DUX4: variants seen among roughly 807,000 people sequenced by gnomAD.
The protein encoded by DUX4 is double homeobox protein 4.
intron 1 of DUX4, among the ~76,000 whole-genome samples, chr4:190,181,571 G>GTAGAGC (rs1742583114): frequency 1.1e-4 from 1 of 9,078 alleles, no homozygotes; most frequent in African/African-American, 4.1e-4. Context: ...TGCCCCGTAG[G>GTAGAGC]CAGAGCCTAG....
downstream of DUX4, among the ~76,000 whole-genome samples, chr4:190,176,333 A>T (rs1742303516): frequency 8.9e-6 from 1 of 112,062 alleles, no homozygotes; most frequent in Non-Finnish European, 2.1e-5. Flanking sequence ...CAAGTGTTAC[A>T]TCACCTGGGT....
downstream of DUX4, among the ~76,000 whole-genome samples, chr4:190,178,883 A>AGT (rs1742459733): frequency 6.7e-6 from 1 of 149,276 alleles, no homozygotes; most frequent in Non-Finnish European, 1.5e-5. Flanking sequence ...TGATCAGTGC[A>AGT]GATCTATGTC....
chr4:190,179,617 T>A (rs2126578820), downstream of DUX4, among the ~76,000 whole-genome samples: 392 of 86,466 alleles, frequency 4.5e-3, no homozygotes, highest in East Asian at 0.16. Flanking sequence ...TTACAGCACC[T>A]GGGAGATCAG....
downstream of DUX4, among the ~76,000 whole-genome samples, chr4:190,179,806 A>ACG (rs1742514513): frequency 6.6e-6 from 1 of 151,112 alleles, no homozygotes; most frequent in Non-Finnish European, 1.5e-5. Context: ...AGCCTACACA[A>ACG]GTATTACATC....
At chr4:190,180,014 G>C (rs1579836408), downstream of DUX4, among the ~76,000 whole-genome samples, 2 of 148,372 alleles carry the variant, frequency 1.3e-5, no homozygotes, top group African/African-American at 5.1e-5. Flanking sequence ...TTAAACTAGA[G>C]TTACATCACC....
chr4:190,181,224 C>T (rs1742553158), intron 1 of DUX4, among the ~76,000 whole-genome samples: 5,493 of 107,366 alleles, frequency 0.051, no homozygotes, highest in African/African-American at 0.057. Context: ...TCACATTGCC[C>T]CCATAGGCAA....
downstream of DUX4, among the ~76,000 whole-genome samples, chr4:190,176,766 T>G (rs1283667332): frequency 6.2e-4 from 64 of 103,840 alleles, no homozygotes; most frequent in Admixed American, 9.1e-4. Flanking sequence ...AGTGCAGAGA[T>G]ATGTACCAGT....
downstream of DUX4, among the ~76,000 whole-genome samples, chr4:190,179,529 C>A (rs1579835613): frequency 1.0e-4 from 14 of 136,374 alleles, no homozygotes; most frequent in South Asian, 2.2e-4. Flanking sequence ...TAGGCAGAGC[C>A]TAGACAAGAG....
intron 1 of DUX4, among the ~76,000 whole-genome samples, chr4:190,181,109 ATAGTTACATCACCT>A (rs1742546132): frequency 6.8e-6 from 1 of 147,938 alleles, no homozygotes; most frequent in African/African-American, 2.5e-5. Flanking sequence ...AGCCTAGACA[ATAGTTACATCACCT>A]GAGTGATCAG....
downstream of DUX4, among the ~76,000 whole-genome samples, chr4:190,177,980 G>A (rs1742397449): frequency 1.8e-3 from 261 of 148,594 alleles, no homozygotes; most frequent in East Asian, 5.7e-3. Flanking sequence ...TACATCACCT[G>A]GGTGATCAGG....
downstream of DUX4, among the ~76,000 whole-genome samples, chr4:190,178,899 GC>G (rs1742461774): frequency 4.5e-5 from 6 of 134,796 alleles, no homozygotes; most frequent in South Asian, 2.3e-4. Flanking sequence ...ATGTCACAAT[GC>G]CCCCATAGGC....
At chr4:190,175,908 C>T (rs1227847166), downstream of DUX4, 4 of 127,774 alleles carry the variant, frequency 3.1e-5, 1 homozygote, top group East Asian at 9.8e-4. Context: ...GTAGAAAAAG[C>T]CTGAAATTGA....
intron 1 of DUX4, among the ~76,000 whole-genome samples, chr4:190,181,532 T>A (rs1579837668): frequency 3.0e-4 from 37 of 125,404 alleles, no homozygotes; most frequent in Middle Eastern, 4.3e-3. Context: ...TTACATCACC[T>A]CGGTGATCAA....
chr4:190,181,222 C>T (rs1455366716), intron 1 of DUX4, among the ~76,000 whole-genome samples: 571 of 21,156 alleles, frequency 0.027, 1 homozygote, highest in South Asian at 0.048. Flanking sequence ...TGTCACATTG[C>T]CCCCATAGGC....
chr4:190,179,111 G>T (rs1742478698), downstream of DUX4, among the ~76,000 whole-genome samples: 1 of 144,462 alleles, frequency 6.9e-6, no homozygotes, highest in Non-Finnish European at 1.6e-5. Context: ...TGCCACTGTA[G>T]GCAGAGCCTA....
In DUX4 at chr4:190,175,219, C is replaced by G. The variant is rs1214543095; in HGVS notation, c.*171C>G. The G allele has an allele frequency of 0.12, 9,210 of 78,424 alleles. 26 individuals are homozygous for G. The highest frequency in any genetic ancestry group is 0.15 in the Middle Eastern group (21 of 140). 4.9% of individuals were successfully genotyped at this position (78,424 alleles called of 1,614,324 possible). Reference sequence around the variant, plus strand: ...TCTAGGCCCGGTGAGAGACTCCACTCCGCGGAGAACTGCCTTTCTTTCCTG... The same window carrying G: ...TCTAGGCCCGGTGAGAGACTCCACTGCGCGGAGAACTGCCTTTCTTTCCTG... On this transcript the variant is annotated 3_prime_UTR_variant, in exon 1 of 2. Coordinates refer to ENST00000565211, the MANE Select transcript of DUX4 (RefSeq NM_001306068.3).
intron 1 of DUX4, among the ~76,000 whole-genome samples, chr4:190,181,723 G>T (rs1275382000): frequency 0.17 from 7,231 of 41,426 alleles, 1 homozygote; most frequent in South Asian, 0.26. Flanking sequence ...TCCAACACAA[G>T]AGTTACATCA....
chr4:190,174,117 A>G lies in DUX4; in HGVS notation c.344A>G (p.Lys115Arg). The G allele has an allele frequency of 1.2e-5, 1 of 84,544 alleles. No homozygotes were observed. 5.2% of individuals were successfully genotyped at this position (84,544 alleles called of 1,614,324 possible). The change falls in exon 1 of 2, where the codon AAG becomes AGG. Residue 115 changes from lysine to arginine, a missense_variant. Lys to Arg is a conservative substitution (Grantham distance 26). Transcript: ENST00000565211. ...QTALLLRAFE[K>R]DRFPGIAARE... ...GCCCTGCTCCTCCGAGCCTTTGAGA[A>G]GGATCGCTTTCCAGGCATCGCCGCC...
downstream of DUX4, among the ~76,000 whole-genome samples, chr4:190,177,518 A>ACT (rs1742371718): frequency 6.8e-6 from 1 of 147,546 alleles, no homozygotes; most frequent in Non-Finnish European, 1.5e-5. Flanking sequence ...ATCAGTGGAG[A>ACT]TATGTGTCAC....
Sources: allele counts gnomAD v4.1 joint callset (sites outside exome capture counted in the v4.1 genomes callset), GRCh38; gene constraint gnomAD v4.1.1; transcripts MANE v1.5; gene names NCBI Gene and HGNC (gene_info 2026-07-23, HGNC 2026-07-21).